The following SMAD2 variants were observed in gnomAD, a reference collection of about 807,000 sequenced individuals.
SMAD2 encodes MAD homolog 2.
A neutral mutation model predicts 64.4 loss-of-function variants in SMAD2; 8 were observed. The ratio of observed to expected loss-of-function variants is 0.12; its 90% confidence interval spans 0.07 to 0.22. The LOEUF is 0.22. Ranked by LOEUF, SMAD2 falls within the 10% of genes least tolerant of loss-of-function variation. The probability of loss-of-function intolerance (pLI) is 1.00; values close to 1 mark genes in which losing one functional copy is unlikely to be tolerated. For synonymous variants in SMAD2, 203 were observed against 195.8 expected (o/e 1.04, Z -0.31); for missense variants, 289 against 561.2 (o/e 0.51, Z 4.90).
At chr18:47,930,274 G>GCGGC (rs2034949280) in intron 1 of SMAD2, 87 bp downstream of exon 1, 1 of 152,220 alleles carries the variant, frequency 6.6e-6, no homozygotes, top group South Asian at 2.1e-4. Context: ...CCCACCCGCA[G>GCGGC]CGGCCATGTG....
Position 47,826,588 on chromosome 18 carries a change from A to G in SMAD2, c.*15239T>C, listed in dbSNP as rs1173849747. On this transcript the variant is annotated 3_prime_UTR_variant, in exon 11 of 11. Transcript: ENST00000262160. ...CCTTCCAGGTGAGGCCAACTCCCTC[A>G]TGAACGAGGAAAGACTACAACTGCT... 6.6e-6 allele frequency: 1 copy of G among 152,250 alleles called. No homozygotes were observed. The highest frequency in any genetic ancestry group is 1.5e-5 in the Non-Finnish European group (1 of 68,046). 9.4% of individuals were successfully genotyped at this position (152,250 alleles called of 1,614,324 possible).
Position 47,829,627 on chromosome 18 carries a change from G to A in SMAD2, c.*12200C>T. 1 of 6,616 alleles carries A rather than the reference G, an allele frequency of 1.5e-4. No individual in the cohort carries two copies. The highest frequency in any genetic ancestry group is 0.5 in the East Asian group (1 of 2). 0.4% of individuals were successfully genotyped at this position (6,616 alleles called of 1,614,324 possible). On this transcript the variant is annotated 3_prime_UTR_variant, in exon 11 of 11. Transcript: ENST00000262160. ...TCTAGGGGTTTATTTAATTATAGGG[G>A]GGTTGGGGTAGAGAGATTAAAAACG... is the stretch of plus-strand genomic sequence containing the variant.
intron 2 of SMAD2, chr18:47,895,552 C>T (rs2033400992): frequency 6.6e-6 from 1 of 152,180 alleles, no homozygotes; most frequent in South Asian, 2.1e-4. Context: ...ACAGTGCCTT[C>T]TACATAGCAA....
At chr18:47,865,978 C>T (rs1046759418) in intron 5 of SMAD2, among the ~76,000 whole-genome samples, 3 of 152,022 alleles carry the variant, frequency 2.0e-5, no homozygotes, top group Non-Finnish European at 4.4e-5. Flanking sequence ...CAGTTTTGAG[C>T]GATTCAAGAT....
rs1412133681 is a variant in SMAD2, at chr18:47,830,268, G to A, written c.*11559C>T. ...CTATAAAACATTTTTATTCCAGGTG[G>A]TAAGCTGGCTTAAATTTTCACTTTT... On this transcript the variant is annotated 3_prime_UTR_variant, in exon 11 of 11. Coordinates refer to ENST00000262160, the MANE Select transcript of SMAD2 (RefSeq NM_005901.6). 2.0e-5 allele frequency: 3 copies of A among 151,948 alleles called. No individual in the cohort carries two copies. Among genetic ancestry groups the A allele is most frequent in the Non-Finnish European group, 2.9e-5 (2 of 67,996 alleles). 9.4% of individuals were successfully genotyped at this position (151,948 alleles called of 1,614,324 possible).
intron 8 of SMAD2, among the ~76,000 whole-genome samples, chr18:47,848,094 G>A (rs1914701360): frequency 6.6e-6 from 1 of 151,698 alleles, no homozygotes; most frequent in Admixed American, 6.6e-5. Flanking sequence ...AAACCTGGGA[G>A]CTATATAAAG....
intron 5 of SMAD2, chr18:47,867,012 A>G (rs529676376): frequency 2.6e-5 from 4 of 152,300 alleles, no homozygotes; most frequent in Non-Finnish European, 5.9e-5. Flanking sequence ...TGCTGGCTGA[A>G]TAACAGTAAT....
intron 4 of SMAD2, among the ~76,000 whole-genome samples, chr18:47,868,682 G>C (rs1320573464): frequency 3.3e-5 from 5 of 151,882 alleles, no homozygotes. Flanking sequence ...TCAAACTTTT[G>C]GGAACAATGT....
chr18:47,887,644 C>T (rs1397749791), intron 2 of SMAD2, among the ~76,000 whole-genome samples: 1 of 152,172 alleles, frequency 6.6e-6, no homozygotes, highest in East Asian at 1.9e-4. Context: ...ATTCTTCCAC[C>T]TTTGACCCAT....
chr18:47,851,513 G>T (rs1295159436), intron 6 of SMAD2, among the ~76,000 whole-genome samples, 186 bp from the exon 7 acceptor site: 1 of 133,864 alleles, frequency 7.5e-6, no homozygotes, highest in Non-Finnish European at 1.6e-5. Context: ...AAGAGAAGGG[G>T]GGGTTCCAGT....
rs1912246577 is a variant in SMAD2 at position 47,812,796 on chromosome 18, C to T, written c.*29031G>A. On this transcript the variant is annotated 3_prime_UTR_variant, in exon 11 of 11. Coordinates refer to ENST00000262160, the MANE Select transcript of SMAD2 (RefSeq NM_005901.6). The stretch of plus-strand genomic sequence containing the variant: ...TTCATGAGTGTCCATGTCACTGTCT[C>T]CCCAGGACCCCCACAGGAGCCTTGC... 6.6e-6 allele frequency: 1 copy of T among 152,204 alleles called. No homozygotes were observed. The highest frequency in any genetic ancestry group is 6.5e-5 in the Admixed American group (1 of 15,276). 9.4% of individuals were successfully genotyped at this position (152,204 alleles called of 1,614,324 possible).
intron 2 of SMAD2, 95 bp from the exon 3 acceptor site, chr18:47,870,659 C>T (rs2031875511): frequency 2.4e-6 from 2 of 836,234 alleles, no homozygotes; most frequent in Non-Finnish European, 2.1e-6. Context: ...GTACAGAATA[C>T]TTCCTTCACC....
At chr18:47,918,280 C>T (rs922125854) in intron 1 of SMAD2, among the ~76,000 whole-genome samples, 3 of 152,172 alleles carry the variant, frequency 2.0e-5, no homozygotes, top group Admixed American at 6.5e-5. Context: ...AACATGAGCA[C>T]GCTGTGTTAA....
rs984456185 is a variant in SMAD2 at position 47,831,850 on chromosome 18, T to C, written c.*9977A>G. The C allele has an allele frequency of 2.0e-5, 3 of 152,242 alleles. No individual in the cohort carries two copies. The highest frequency in any genetic ancestry group is 6.5e-5 in the Admixed American group (1 of 15,288). 9.4% of individuals were successfully genotyped at this position (152,242 alleles called of 1,614,324 possible). On this transcript the variant is annotated 3_prime_UTR_variant, in exon 11 of 11. Coordinates refer to ENST00000262160, the MANE Select transcript of SMAD2 (RefSeq NM_005901.6). ...TTATTGCAGCAAAAGATAATTTTTA[T>C]GTGTAAATTAGCTTTTTGGGTTTTT...
chr18:47,901,772 T>C (rs1228687436), intron 1 of SMAD2, among the ~76,000 whole-genome samples: 1 of 152,160 alleles, frequency 6.6e-6, no homozygotes, highest in Non-Finnish European at 1.5e-5. Context: ...GAGCCTTCAT[T>C]TCAAAAGCTA....
At chr18:47,926,941 G>T (rs981245770) in intron 1 of SMAD2, among the ~76,000 whole-genome samples, 3 of 152,166 alleles carry the variant, frequency 2.0e-5, no homozygotes, top group African/African-American at 7.2e-5. Context: ...CAAGGGCCTG[G>T]GGTTGGTAGT....
intron 1 of SMAD2, among the ~76,000 whole-genome samples, chr18:47,904,626 T>A (rs993891624): frequency 6.6e-6 from 1 of 151,808 alleles, no homozygotes; most frequent in Admixed American, 6.6e-5. Context: ...GATGCAAAAA[T>A]CCTAAACAAA....
intron 2 of SMAD2, among the ~76,000 whole-genome samples, chr18:47,885,676 T>C: frequency 6.6e-6 from 1 of 151,924 alleles, no homozygotes; most frequent in Non-Finnish European, 1.5e-5. Context: ...CAATGAAGAA[T>C]ACAGGCTGGG....
chr18:47,880,136 AAT>A (rs983690963), intron 2 of SMAD2, among the ~76,000 whole-genome samples: 2 of 152,352 alleles, frequency 1.3e-5, no homozygotes, highest in African/African-American at 2.4e-5. Flanking sequence ...GTATTTTAAT[AAT>A]ATGTTTTGTA....
Sources: gnomAD v4.1 joint callset for allele counts (sites outside exome capture counted in the v4.1 genomes callset) on GRCh38, gnomAD v4.1.1 for gene constraint, MANE v1.5 for transcripts, NCBI Gene and HGNC (gene_info 2026-07-23, HGNC 2026-07-21) for gene names.